Variants in MERTK observed in about 807,000 individuals in gnomAD.
MERTK encodes the protein MER proto-oncogene, tyrosine kinase.
In MERTK, 69 loss-of-function variants were observed where a neutral mutation model predicts 99.3. That is an observed-to-expected ratio of 0.70 (90% CI 0.57 to 0.85). The LOEUF (loss-of-function observed/expected upper bound fraction) is 0.85. Among genes scored for constraint, MERTK ranks in the 40% least tolerant of loss-of-function variants. The pLI is 0.00. For synonymous variants in MERTK, 426 were observed against 467.6 expected (o/e 0.91, Z 1.15); for missense variants, 1,125 against 1,249.4 (o/e 0.90, Z 1.50).
chr2:112,010,022 C>T lies in MERTK; in HGVS notation c.2035C>T (p.Leu679=). Residue 679 remains leucine, a synonymous_variant, in exon 15 of 19, where the codon CTG becomes TTG. Coordinates refer to ENST00000295408, the MANE Select transcript of MERTK (RefSeq NM_006343.3). The part of the protein sequence containing the change: ...VILPFMKYGD[L]HTYLLYSRLE... ...TTTACCCTTCATGAAATACGGGGAC[C>T]TGCATACTTACTTACTTTATTCCCG... is the stretch of plus-strand genomic sequence containing the variant. 1 of 1,613,920 alleles carries T rather than the reference C, an allele frequency of 6.2e-7. No homozygotes were observed. Among genetic ancestry groups the T allele is most frequent in the Non-Finnish European group, 8.5e-7 (1 of 1,179,832 alleles).
chr2:112,020,425 GT>G (rs1233168005), intron 16 of MERTK, among the ~76,000 whole-genome samples: 11 of 152,190 alleles, frequency 7.2e-5, no homozygotes, highest in Non-Finnish European at 1.6e-4. Context: ...TAAAAAGGCA[GT>G]GTCAAGCAAA....
intron 1 of MERTK, among the ~76,000 whole-genome samples, chr2:111,903,248 G>A (rs556626890): frequency 6.6e-6 from 1 of 152,278 alleles, no homozygotes; most frequent in East Asian, 1.9e-4. Context: ...GTCTTACCAG[G>A]TGCTCTTCAC....
chr2:112,002,232 A>G (rs1489167372), intron 11 of MERTK, among the ~76,000 whole-genome samples: 1 of 152,090 alleles, frequency 6.6e-6, no homozygotes, highest in Non-Finnish European at 1.5e-5. Flanking sequence ...ATTTTATTAT[A>G]GAAAAATCTT....
intron 18 of MERTK, chr2:112,024,749 T>C (rs1677430123): frequency 6.6e-6 from 1 of 152,324 alleles, no homozygotes. Context: ...GGCAACACAG[T>C]GAGACCCCAT....
chr2:111,916,412 C>A (rs779187822), intron 1 of MERTK, among the ~76,000 whole-genome samples: 1 of 152,166 alleles, frequency 6.6e-6, no homozygotes, highest in Non-Finnish European at 1.5e-5. Context: ...AGTCTCTTCT[C>A]ATGGTCAAAT....
intron 18 of MERTK, among the ~76,000 whole-genome samples, chr2:112,027,746 G>A (rs1453893194): frequency 2.0e-5 from 3 of 152,126 alleles, no homozygotes; most frequent in Admixed American, 6.6e-5. Flanking sequence ...GGAGTGATAC[G>A]CAGCACACAA....
In MERTK at chr2:111,997,373, C is replaced by G; in HGVS notation, c.1501C>G (p.Pro501Ala). Residue 501 changes from proline (P) to alanine (A), a missense_variant, in exon 10 of 19, where the codon CCT (proline) becomes GCT (alanine). By Grantham distance (27) the Pro-to-Ala change is conservative (BLOSUM62 -1). Coordinates refer to ENST00000295408, the MANE Select transcript of MERTK (RefSeq NM_006343.3). The stretch of plus-strand genomic sequence containing the variant: ...AACTCCGGCGCCTGGCAACGCAGAT[C>G]CTGTGCTCATCATCTTTGGCTGCTT... ...SSTPAPGNAD[P>A]VLIIFGCFCG... The G allele has an allele frequency of 6.2e-7, 1 of 1,614,180 alleles. No homozygotes were observed. The highest frequency in any genetic ancestry group is 1.6e-4 in the Middle Eastern group (1 of 6,062).
intron 4 of MERTK, among the ~76,000 whole-genome samples, chr2:111,959,275 T>A (rs1685202415): frequency 6.6e-6 from 1 of 152,150 alleles, no homozygotes; most frequent in South Asian, 2.1e-4. Flanking sequence ...TCTTCTTTCT[T>A]AAAATCAATG....
Position 112,021,910 on chromosome 2 carries a change from T to A in MERTK, c.2349+329T>A, listed in dbSNP as rs144075157. ...AAATTGAATGAGTTCATCCACTGGC[T>A]CTTGGAACCTAGATGCTATATGAAA... On this transcript the variant is annotated intron_variant, in intron 17 of 18. Transcript: ENST00000295408. Among the ~76,000 whole-genome samples, 12 of 152,238 alleles carry A rather than the reference T, an allele frequency of 7.9e-5. No individual in the cohort carries two copies. The East Asian group carries it at 2.3e-3, about 29-fold the overall frequency.
At chr2:111,956,795 A>G (rs533103038) in intron 4 of MERTK, among the ~76,000 whole-genome samples, 1 of 151,910 alleles carries the variant, frequency 6.6e-6, no homozygotes, top group African/African-American at 2.4e-5. Flanking sequence ...CCAAGTAGCT[A>G]GGACTACAGG....
intron 8 of MERTK, among the ~76,000 whole-genome samples, chr2:111,990,470 A>C (rs1307996865): frequency 6.6e-6 from 1 of 152,218 alleles, no homozygotes; most frequent in Non-Finnish European, 1.5e-5. Flanking sequence ...GATGCTGGCC[A>C]TCATCGAACG....
intron 6 of MERTK, among the ~76,000 whole-genome samples, chr2:111,973,580 G>A (rs1264384273): frequency 6.6e-6 from 1 of 152,144 alleles, no homozygotes; most frequent in East Asian, 1.9e-4. Context: ...TATATCCAGA[G>A]CCCAGAACTG....
rs772369621 is a variant in MERTK at position 111,968,212 on chromosome 2, G to A, written c.920G>A (p.Gly307Asp). The A allele has an allele frequency of 1.2e-6, 2 of 1,613,900 alleles. No homozygotes were observed. ...AGCATTCTGATCTCCTGGGTTCCTG[G>A]TTTTGATGGATACTCCCCGTTCAGG... The part of the protein sequence containing the change: ...AHSILISWVP[G>D]FDGYSPFRNC... Residue 307 changes from glycine to aspartate, a missense_variant, in exon 6 of 19, where the codon GGT becomes GAT. Gly to Asp is a moderately conservative substitution (Grantham distance 94). Coordinates refer to ENST00000295408, the MANE Select transcript of MERTK (RefSeq NM_006343.3).
rs191917422 is a variant in MERTK, at chr2:112,003,600, T to G, written c.1787-304T>G. Among the ~76,000 whole-genome samples the G allele has an allele frequency of 2.8e-3, 434 of 152,318 alleles. 3 individuals are homozygous for G. The highest frequency in any genetic ancestry group is 6.3e-3 in the African/African-American group (261 of 41,572). On this transcript the variant is annotated intron_variant, in intron 12 of 18. Coordinates refer to ENST00000295408, the MANE Select transcript of MERTK (RefSeq NM_006343.3). ...ATGAATGATAATGGTATTAAAAGTT[T>G]GTGCTTTAAAAACTTCAATAATATT...
In MERTK at chr2:111,993,838, G is replaced by A. The variant is rs917391033; in HGVS notation, c.1297-413G>A. ...AATTTCAAGGAACAGGAGCCCACTC[G>A]TGCTGGTTCAAGGGCAGGTGGCAGG... On this transcript the variant is annotated intron_variant, in intron 8 of 18. Coordinates refer to ENST00000295408, the MANE Select transcript of MERTK (RefSeq NM_006343.3). Among the ~76,000 whole-genome samples the A allele has an allele frequency of 3.9e-5, 6 of 152,174 alleles. No homozygotes were observed. In the East Asian group the frequency reaches 5.8e-4, roughly 15 times the overall value.
chr2:112,009,789 G>A, intron 14 of MERTK, 159 bp from the exon 15 acceptor site: 1 of 688,172 alleles, frequency 1.5e-6, no homozygotes, highest in Non-Finnish European at 2.7e-6. Flanking sequence ...CCCTGTGTGT[G>A]TTCCATTTTC....
intron 6 of MERTK, among the ~76,000 whole-genome samples, chr2:111,970,755 T>TCTCCTCCTCCTCC (rs1676094401): frequency 2.2e-5 from 1 of 44,706 alleles, no homozygotes; most frequent in African/African-American, 9.2e-5. Flanking sequence ...CCTCCTCCCT[T>TCTCCTCCTCCTCC]CTCCTCCTCC....
chr2:111,972,374 G>A (rs1676140640), intron 6 of MERTK, among the ~76,000 whole-genome samples: 2 of 152,184 alleles, frequency 1.3e-5, no homozygotes, highest in Admixed American at 6.5e-5. Context: ...GCTTCAGGGA[G>A]ACTCTCAGGA....
At chr2:112,019,968 A>G (rs981231148) in intron 16 of MERTK, among the ~76,000 whole-genome samples, 4 of 152,232 alleles carry the variant, frequency 2.6e-5, no homozygotes, top group Non-Finnish European at 2.9e-5. Context: ...ACAGCAGACA[A>G]TGGCTTCATT....
Sources: allele counts gnomAD v4.1 joint callset (sites outside exome capture counted in the v4.1 genomes callset), GRCh38; gene constraint gnomAD v4.1.1; transcripts MANE v1.5; gene names NCBI Gene and HGNC (gene_info 2026-07-23, HGNC 2026-07-21).